ARHGEF26: variants seen among roughly 807,000 people sequenced by gnomAD.
The protein encoded by ARHGEF26 is Rho guanine nucleotide exchange factor (GEF) 26.
ARHGEF26 carries 59 observed loss-of-function variants against 89.4 expected under a neutral mutation model. The ratio of observed to expected loss-of-function variants is 0.66; its 90% CI spans 0.54 to 0.82. ARHGEF26 has a LOEUF of 0.82. Ranked by LOEUF, ARHGEF26 falls within the 40% of genes least tolerant of loss-of-function variation. The pLI, the probability that ARHGEF26 is intolerant of heterozygous loss-of-function variation, is 0.00. For synonymous variants in ARHGEF26, 500 were observed against 428.4 expected, an observed-to-expected ratio of 1.17 and a Z score of -2.06; for missense variants, 1,234 against 1,085.6, an observed-to-expected ratio of 1.14 and a Z score of -1.92.
At chr3:154,232,547 T>C (rs1398374987) in intron 11 of ARHGEF26, among the ~76,000 whole-genome samples, 1 of 152,206 alleles carries the variant, frequency 6.6e-6, no homozygotes, top group Non-Finnish European at 1.5e-5. Flanking sequence ...GGTCCACTTG[T>C]GCATTTGCAA....
chr3:154,203,576 A>G (rs368833112), intron 9 of ARHGEF26, among the ~76,000 whole-genome samples: 35 of 152,242 alleles, frequency 2.3e-4, no homozygotes, highest in African/African-American at 7.2e-4. Context: ...ATTAGAGGAA[A>G]GGTTTTCAGT....
intron 6 of ARHGEF26, among the ~76,000 whole-genome samples, chr3:154,171,165 TTCTC>T (rs958226852): frequency 5.9e-5 from 9 of 152,198 alleles, no homozygotes; most frequent in Non-Finnish European, 1.2e-4. Context: ...GGACAGCTCT[TTCTC>T]TAGTAGCCAG....
At chr3:154,137,797 T>A (rs1260222305) in intron 4 of ARHGEF26, among the ~76,000 whole-genome samples, 1 of 132,402 alleles carries the variant, frequency 7.6e-6, no homozygotes, top group Non-Finnish European at 1.6e-5. Context: ...GGCAACATAG[T>A]GAGACCCCTA....
chr3:154,211,712 C>T (rs1715371162), intron 9 of ARHGEF26, among the ~76,000 whole-genome samples: 1 of 152,136 alleles, frequency 6.6e-6, no homozygotes, highest in Admixed American at 6.5e-5. Context: ...TCAGTGGAGT[C>T]TTCTATTCCA....
In ARHGEF26 at chr3:154,257,077, T is replaced by G; in HGVS notation, c.*1604T>G. ...CCAACTACTGTCCGCTAACTAGTTA[T>G]CCAAATTGTAAAGCTACAGAAGCCC... is the stretch of plus-strand genomic sequence containing the variant. On this transcript the variant is annotated 3_prime_UTR_variant, in exon 15 of 15. Coordinates refer to ENST00000465093, the MANE Select transcript of ARHGEF26 (RefSeq NM_015595.4). The G allele has an allele frequency of 2.2e-6, 3 of 1,350,214 alleles. No homozygotes were observed. The highest frequency in any genetic ancestry group is 2.9e-6 in the Non-Finnish European group (3 of 1,033,418). The allele number at this position is 1,350,214 out of a possible 1,614,324, so 83.6% of individuals were successfully genotyped here.
At chr3:154,124,326 A>G in intron 2 of ARHGEF26, 84 bp from the exon 3 acceptor site, 1 of 890,754 alleles carries the variant, frequency 1.1e-6, no homozygotes. Flanking sequence ...TTTACTTAAA[A>G]TAGCTGTATT....
chr3:154,216,074 GA>G (rs1464358657), intron 9 of ARHGEF26, among the ~76,000 whole-genome samples: 1 of 152,108 alleles, frequency 6.6e-6, no homozygotes, highest in Non-Finnish European at 1.5e-5. Context: ...TGTGCAGTGG[GA>G]GTAGGTCAGG....
chr3:154,151,703 G>C (rs769025966), intron 5 of ARHGEF26, among the ~76,000 whole-genome samples: 2 of 152,192 alleles, frequency 1.3e-5, no homozygotes. Flanking sequence ...GAAGTTAAAA[G>C]TGGAGGTGAG....
intron 9 of ARHGEF26, among the ~76,000 whole-genome samples, chr3:154,197,860 A>G (rs979539357): frequency 1.3e-5 from 2 of 152,110 alleles, no homozygotes; most frequent in African/African-American, 4.8e-5. Flanking sequence ...AGTGATGTGT[A>G]CCATGTAAGG....
At chr3:154,183,878 G>C (rs769870114) in intron 6 of ARHGEF26, among the ~76,000 whole-genome samples, 5 of 152,090 alleles carry the variant, frequency 3.3e-5, no homozygotes, top group Non-Finnish European at 7.4e-5. Flanking sequence ...GCTGGTAACA[G>C]TGTAAGCTAA....
At chr3:154,190,100 C>G (rs1220098274) in intron 7 of ARHGEF26, among the ~76,000 whole-genome samples, 1 of 152,074 alleles carries the variant, frequency 6.6e-6, no homozygotes, top group Non-Finnish European at 1.5e-5. Flanking sequence ...ATCCATCTAC[C>G]TCCTACCCTC....
chr3:154,122,487 G>T lies in ARHGEF26; in HGVS notation c.495G>T (p.Leu165Phe). ...PCTPEEDLTG[L>F]TASPVPSPTA... ...CCCCCGAGGAGGACCTTACTGGGTTGACTGCCAGCCCGGTGCCTTCGCCCA... is the reference window on the plus strand; with the variant it reads ...CCCCCGAGGAGGACCTTACTGGGTTTACTGCCAGCCCGGTGCCTTCGCCCA... Residue 165 changes from leucine to phenylalanine, a missense_variant, in exon 2 of 15, where the codon TTG becomes TTT. Coordinates refer to ENST00000465093, the MANE Select transcript of ARHGEF26 (RefSeq NM_015595.4). 4 of 1,612,834 alleles carry T rather than the reference G, an allele frequency of 2.5e-6. No homozygotes were observed. The highest frequency in any genetic ancestry group is 2.5e-6 in the Non-Finnish European group (3 of 1,179,734).
In ARHGEF26 at chr3:154,217,959, G is replaced by T; in HGVS notation, c.1935+1G>T. The stretch of plus-strand genomic sequence containing the variant: ...CTCCCAGCTGGAATTTAAAATTAAG[G>T]TATTCTCGTACCTTGTTCATTACTG... On this transcript the variant is annotated splice_donor_variant, in intron 10 of 14. Transcript: ENST00000465093. LOFTEE classifies it high-confidence loss of function. 1 of 1,576,372 alleles carries T rather than the reference G, an allele frequency of 6.3e-7. No individual in the cohort carries two copies. Among genetic ancestry groups the T allele is most frequent in the African/African-American group, 1.3e-5 (1 of 74,282 alleles).
intron 4 of ARHGEF26, among the ~76,000 whole-genome samples, chr3:154,147,961 C>T (rs931815816): frequency 6.6e-6 from 1 of 152,188 alleles, no homozygotes; most frequent in African/African-American, 2.4e-5. Context: ...ATCTCTCCAC[C>T]TTGATCAGTC....
chr3:154,176,046 TG>T (rs1341978303), intron 6 of ARHGEF26, among the ~76,000 whole-genome samples: 1 of 152,202 alleles, frequency 6.6e-6, no homozygotes, highest in African/African-American at 2.4e-5. Context: ...CAAACAGTAT[TG>T]TTACCGTGGC....
chr3:154,251,469 A>ATAT (rs1344042299), intron 12 of ARHGEF26, among the ~76,000 whole-genome samples: 1 of 152,232 alleles, frequency 6.6e-6, no homozygotes, highest in Non-Finnish European at 1.5e-5. Context: ...ATTAGCAGAC[A>ATAT]TATACTGAGC....
intron 4 of ARHGEF26, among the ~76,000 whole-genome samples, chr3:154,139,890 G>A (rs7622562): frequency 0.34 from 51,543 of 152,010 alleles, 10,700 homozygotes; most frequent in Non-Finnish European, 0.46. Context: ...ACAGTCAGTG[G>A]ACAACTTCTG....
chr3:154,158,664 A>G (rs1270834754), intron 6 of ARHGEF26, among the ~76,000 whole-genome samples: 2 of 152,110 alleles, frequency 1.3e-5, no homozygotes, highest in East Asian at 1.9e-4. Context: ...GACCTCGGCT[A>G]TCTTAAAAGC....
At chr3:154,254,688 T>C in intron 13 of ARHGEF26, 32 bp from the exon 14 acceptor site, 2 of 1,569,178 alleles carry the variant, frequency 1.3e-6, no homozygotes, top group Non-Finnish European at 1.8e-6. Context: ...TCTCTGCTAC[T>C]GGAAACTTAG....
Sources: gnomAD v4.1 joint callset for allele counts (sites outside exome capture counted in the v4.1 genomes callset) on GRCh38, gnomAD v4.1.1 for gene constraint, MANE v1.5 for transcripts, NCBI Gene and HGNC (gene_info 2026-07-23, HGNC 2026-07-21) for gene names.